Variants in GRM7 observed in about 807,000 individuals in gnomAD.
GRM7 encodes the protein glutamate metabotropic receptor 7.
GRM7 carries 35 observed loss-of-function variants against 84.5 expected under a neutral mutation model. That is an observed-to-expected ratio of 0.41 (90% CI 0.32 to 0.55). The LOEUF (loss-of-function observed/expected upper bound fraction) is 0.55, where lower values mean the gene tolerates loss of function less well. Among genes scored for constraint, GRM7 ranks in the 20% least tolerant of loss-of-function variants. The pLI is 0.19. For synonymous variants in GRM7, 487 were observed against 455.1 expected, an observed-to-expected ratio of 1.07 and a Z score of -0.89; for missense variants, 1,003 against 1,194.6, an observed-to-expected ratio of 0.84 and a Z score of 2.36.
At chr3:7,241,792 C>T (rs1251168845) in intron 2 of GRM7, among the ~76,000 whole-genome samples, 4 of 152,124 alleles carry the variant, frequency 2.6e-5, no homozygotes, top group African/African-American at 9.7e-5. Flanking sequence ...TTCCAGGGCA[C>T]ATCTCCAGGT....
intron 1 of GRM7, among the ~76,000 whole-genome samples, chr3:7,034,435 C>G (rs1696302326): frequency 6.6e-6 from 1 of 152,146 alleles, no homozygotes; most frequent in Non-Finnish European, 1.5e-5. Flanking sequence ...AAAGCATTTA[C>G]TAGATGATAA....
chr3:7,483,265 C>A (rs1445800378), intron 7 of GRM7, among the ~76,000 whole-genome samples: 2 of 152,154 alleles, frequency 1.3e-5, no homozygotes, highest in Non-Finnish European at 2.9e-5. Context: ...GCCATAGGTG[C>A]TGTGAGGAAA....
chr3:7,439,154 T>C (rs1468469239), intron 5 of GRM7, among the ~76,000 whole-genome samples: 1 of 152,132 alleles, frequency 6.6e-6, no homozygotes, highest in Non-Finnish European at 1.5e-5. Context: ...TGGAATAAAA[T>C]TGTCCATAGG....
intron 2 of GRM7, among the ~76,000 whole-genome samples, chr3:7,154,799 T>C (rs1574968887): frequency 1.3e-5 from 2 of 152,224 alleles, no homozygotes; most frequent in Non-Finnish European, 2.9e-5. Flanking sequence ...ATCAATAAAC[T>C]TTAGGGGCAA....
chr3:7,573,645 A>G (rs1694815273), intron 7 of GRM7, among the ~76,000 whole-genome samples: 1 of 152,238 alleles, frequency 6.6e-6, no homozygotes, highest in Non-Finnish European at 1.5e-5. Context: ...AGAGCCAGAC[A>G]CCATTTTTTC....
chr3:6,973,121 A>T (rs1398208801), intron 1 of GRM7, among the ~76,000 whole-genome samples: 1 of 152,248 alleles, frequency 6.6e-6, no homozygotes, highest in East Asian at 1.9e-4. Flanking sequence ...GGTAAGGCAA[A>T]AATAAGGTAT....
intron 1 of GRM7, among the ~76,000 whole-genome samples, chr3:6,995,102 T>A (rs1448802591): frequency 6.6e-6 from 1 of 152,230 alleles, no homozygotes; most frequent in Non-Finnish European, 1.5e-5. Flanking sequence ...CATAAAAGGA[T>A]GGTGACTTAT....
At chr3:7,398,078 A>G (rs1356818862) in intron 4 of GRM7, among the ~76,000 whole-genome samples, 1 of 152,184 alleles carries the variant, frequency 6.6e-6, no homozygotes, top group Non-Finnish European at 1.5e-5. Flanking sequence ...AACTTCTAAA[A>G]GTTTTCATGG....
chr3:7,645,354 C>A (rs1002083452), intron 8 of GRM7, among the ~76,000 whole-genome samples: 2 of 151,824 alleles, frequency 1.3e-5, no homozygotes, highest in Non-Finnish European at 2.9e-5. Context: ...TGAGACCATC[C>A]TGGCCAACAT....
chr3:7,497,008 T>C (rs1454774908), intron 7 of GRM7, among the ~76,000 whole-genome samples: 1 of 151,308 alleles, frequency 6.6e-6, no homozygotes, highest in Non-Finnish European at 1.5e-5. Context: ...TTCTCATAGA[T>C]ACTATAGAAA....
chr3:6,883,845 TCAAG>T (rs1695596458), intron 1 of GRM7, among the ~76,000 whole-genome samples: 8 of 152,248 alleles, frequency 5.3e-5, no homozygotes, highest in African/African-American at 1.9e-4. Flanking sequence ...ACATGTGTTG[TCAAG>T]TAGGGCAAGT....
At chr3:7,001,158 C>G (rs1160276792) in intron 1 of GRM7, among the ~76,000 whole-genome samples, 1 of 152,098 alleles carries the variant, frequency 6.6e-6, no homozygotes, top group Non-Finnish European at 1.5e-5. Context: ...TAAGCCTGGA[C>G]AACATAGTGA....
At chr3:7,316,287 T>C (rs1256965558) in intron 4 of GRM7, among the ~76,000 whole-genome samples, 1 of 152,064 alleles carries the variant, frequency 6.6e-6, no homozygotes, top group Non-Finnish European at 1.5e-5. Context: ...AAGAGACCAT[T>C]GTAGGGTTTG....
intron 1 of GRM7, among the ~76,000 whole-genome samples, chr3:7,100,001 C>A (rs1699055362): frequency 6.8e-6 from 1 of 147,292 alleles, no homozygotes; most frequent in Non-Finnish European, 1.5e-5. Context: ...TATATAATTG[C>A]ACATGTACAT....
At chr3:6,874,671 AC>A (rs1453184895) in intron 1 of GRM7, among the ~76,000 whole-genome samples, 1 of 152,188 alleles carries the variant, frequency 6.6e-6, no homozygotes, top group Non-Finnish European at 1.5e-5. Context: ...GACTTCATGA[AC>A]CCTTGAATGT....
intron 1 of GRM7, among the ~76,000 whole-genome samples, chr3:7,033,327 G>A (rs1161302851): frequency 6.6e-6 from 1 of 151,980 alleles, no homozygotes; most frequent in East Asian, 1.9e-4. Context: ...ATTCCAGGTG[G>A]ACATGAATTC....
At chr3:6,989,464 T>C (rs555598582) in intron 1 of GRM7, among the ~76,000 whole-genome samples, 1 of 152,356 alleles carries the variant, frequency 6.6e-6, no homozygotes, top group African/African-American at 2.4e-5. Context: ...ATTTTTAACT[T>C]ATATGTTTAT....
chr3:7,655,299 A>T (rs1699130699), intron 8 of GRM7, among the ~76,000 whole-genome samples: 1 of 152,238 alleles, frequency 6.6e-6, no homozygotes, highest in Non-Finnish European at 1.5e-5. Flanking sequence ...GCAACTTTGT[A>T]TTGGCCATCA....
intron 4 of GRM7, among the ~76,000 whole-genome samples, chr3:7,324,789 G>T (rs1700921025): frequency 6.6e-6 from 1 of 151,988 alleles, no homozygotes; most frequent in South Asian, 2.1e-4. Flanking sequence ...CAGAATCCTT[G>T]ACAAAGTGTT....
Sources: allele counts gnomAD v4.1 joint callset (sites outside exome capture counted in the v4.1 genomes callset), GRCh38; gene constraint gnomAD v4.1.1; transcripts MANE v1.5; gene names NCBI Gene and HGNC (gene_info 2026-07-23, HGNC 2026-07-21).